Variants in LARGE1 observed in about 807,000 individuals in gnomAD.
LARGE1 encodes the protein xylosyl- and glucuronyltransferase LARGE1.
In LARGE1, 43 loss-of-function variants were observed where a neutral mutation model predicts 87.6. That is an observed-to-expected ratio of 0.49 (90% confidence interval 0.38 to 0.63). LARGE1 has a LOEUF of 0.63. LARGE1 is among the 30% of genes least tolerant of loss of function. LARGE1 has a pLI of 0.00. For synonymous variants in LARGE1, 434 were observed against 394.6 expected, an observed-to-expected ratio of 1.10 and a Z score of -1.18; for missense variants, 802 against 1,000.2, an observed-to-expected ratio of 0.80 and a Z score of 2.67.
intron 6 of LARGE1, among the ~76,000 whole-genome samples, chr22:33,495,391 T>A (rs1053969170): frequency 1.1e-4 from 17 of 152,140 alleles, no homozygotes; most frequent in African/African-American, 4.1e-4. Flanking sequence ...AAAAACAAGT[T>A]TTCCATCCCC....
chr22:33,658,534 C>G (rs187628160), intron 2 of LARGE1, among the ~76,000 whole-genome samples: 13 of 152,250 alleles, frequency 8.5e-5, no homozygotes, highest in South Asian at 2.1e-4. Flanking sequence ...TGAGAACATG[C>G]GATTTTTGGT....
chr22:33,328,457 G>T (rs141706148), intron 10 of LARGE1, among the ~76,000 whole-genome samples: 5,256 of 152,102 alleles, frequency 0.035, 257 homozygotes, highest in African/African-American at 0.12. Context: ...GCAGGTGCCT[G>T]TAATCCCAGC....
chr22:33,357,487 T>C (rs760368251), intron 9 of LARGE1, among the ~76,000 whole-genome samples: 3 of 152,206 alleles, frequency 2.0e-5, no homozygotes, highest in Non-Finnish European at 4.4e-5. Context: ...ACTGCACTTG[T>C]ACCACTTAAA....
intron 6 of LARGE1, among the ~76,000 whole-genome samples, chr22:33,543,122 A>T (rs1443797820): frequency 6.6e-6 from 1 of 152,026 alleles, no homozygotes; most frequent in Non-Finnish European, 1.5e-5. Context: ...TTCCACTTTG[A>T]CACTAATTTA....
At chr22:33,616,367 T>A (rs1041001507) in intron 4 of LARGE1, among the ~76,000 whole-genome samples, 6 of 151,520 alleles carry the variant, frequency 4.0e-5, no homozygotes, top group Admixed American at 1.3e-4. Context: ...ATAAGAAAAT[T>A]TAAAAAATTA....
intron 2 of LARGE1, among the ~76,000 whole-genome samples, chr22:33,675,576 G>A (rs1207640448): frequency 1.3e-5 from 2 of 152,116 alleles, no homozygotes; most frequent in Non-Finnish European, 2.9e-5. Context: ...GGGTGAAACA[G>A]GGTGAACAAG....
At chr22:33,624,339 A>T (rs1372556836) in intron 4 of LARGE1, among the ~76,000 whole-genome samples, 1 of 152,160 alleles carries the variant, frequency 6.6e-6, no homozygotes, top group Non-Finnish European at 1.5e-5. Context: ...TCATTAATAG[A>T]TATATAAAAT....
In LARGE1 at chr22:33,719,223, G is replaced by A. The variant is rs574871196; in HGVS notation, c.106+42148C>T. On this transcript the variant is annotated intron_variant, in intron 2 of 14. Coordinates refer to ENST00000397394, the MANE Select transcript of LARGE1 (RefSeq NM_133642.5). ...GCGTTTGTTAGAAGCTGAGTGTTAC[G>A]ACAAGAGTCAAAAAGCTTAAAAATA... Among the ~76,000 whole-genome samples the A allele has an allele frequency of 1.8e-4, 28 of 152,094 alleles. 2 individuals are homozygous for A. The highest frequency in any genetic ancestry group is 1.2e-3 in the Admixed American group (19 of 15,296).
intron 6 of LARGE1, among the ~76,000 whole-genome samples, chr22:33,450,625 AAAT>A (rs1305978373): frequency 1.5e-5 from 2 of 130,092 alleles, no homozygotes; most frequent in Admixed American, 1.4e-4. Flanking sequence ...ATAAATAAAT[AAAT>A]AAATAAATAA....
intron 6 of LARGE1, among the ~76,000 whole-genome samples, chr22:33,511,110 G>C (rs973946043): frequency 6.6e-6 from 1 of 152,174 alleles, no homozygotes; most frequent in African/African-American, 2.4e-5. Flanking sequence ...AGACCAAACG[G>C]GGGCAGCCAG....
intron 1 of LARGE1, among the ~76,000 whole-genome samples, chr22:33,767,182 C>T (rs1485253242): frequency 3.3e-5 from 5 of 150,506 alleles, no homozygotes; most frequent in African/African-American, 4.9e-5. Context: ...ATCAGCTGGA[C>T]GTGGTGGTGC....
At chr22:33,216,536 G>A (rs112373406) in intron 11 of LARGE1, among the ~76,000 whole-genome samples, 3,240 of 148,800 alleles carry the variant, frequency 0.022, 139 homozygotes, top group African/African-American at 0.078. Context: ...GACTGAGGCA[G>A]AAGAATGGTG....
intron 2 of LARGE1, among the ~76,000 whole-genome samples, chr22:33,675,292 CAAAAAAAAAAAAAAAA>C (rs71320987): frequency 3.0e-5 from 1 of 32,906 alleles, no homozygotes; most frequent in African/African-American, 1.2e-4. Flanking sequence ...GAAACTCCAT[CAAAAAAAAAAAAAAAA>C]AAAAAAAAAA....
chr22:33,656,291 G>C lies in LARGE1; in HGVS notation c.107-5623C>G, dbSNP rs2080958536. Reference sequence around the variant, plus strand: ...GAACAAAGGCACATCTTACATGGTGGCAGGCAAAAAGAGAATGAGAGTGAA... The same window carrying C: ...GAACAAAGGCACATCTTACATGGTGCCAGGCAAAAAGAGAATGAGAGTGAA... On this transcript the variant is annotated intron_variant, in intron 2 of 14. Coordinates refer to ENST00000397394, the MANE Select transcript of LARGE1 (RefSeq NM_133642.5). Among the ~76,000 whole-genome samples the C allele has an allele frequency of 2.6e-5, 4 of 152,152 alleles. No individual in the cohort carries two copies. In the South Asian group the frequency reaches 8.3e-4, roughly 32 times the overall value.
chr22:33,458,368 T>G (rs1268331982), intron 6 of LARGE1, among the ~76,000 whole-genome samples: 3 of 152,072 alleles, frequency 2.0e-5, no homozygotes, highest in African/African-American at 7.3e-5. Flanking sequence ...CCTCCCAAAG[T>G]GCTGGGATTA....
intron 2 of LARGE1, among the ~76,000 whole-genome samples, chr22:33,681,975 A>C (rs1278955960): frequency 6.6e-6 from 1 of 152,108 alleles, no homozygotes; most frequent in East Asian, 1.9e-4. Flanking sequence ...TGCCTAAATG[A>C]TGCACTTCTA....
At chr22:33,477,079 C>T (rs150563655) in intron 6 of LARGE1, among the ~76,000 whole-genome samples, 41 of 152,308 alleles carry the variant, frequency 2.7e-4, no homozygotes, top group Admixed American at 1.2e-3. Context: ...CTCAGAGCTG[C>T]GTGGCGGCTC....
chr22:33,472,892 G>A (rs1374806243), intron 6 of LARGE1, among the ~76,000 whole-genome samples: 2 of 152,178 alleles, frequency 1.3e-5, no homozygotes, highest in Non-Finnish European at 2.9e-5. Context: ...GTCATCAAAC[G>A]ATGCACCTGT....
the LARGE1 span, among the ~76,000 whole-genome samples, chr22:33,089,363 CTTCTTCTCCTT>C: frequency 2.3e-4 from 16 of 69,606 alleles, 1 homozygote; most frequent in Non-Finnish European, 3.9e-4. Context: ...TCTTCTTCTT[CTTCTTCTCCTT>C]CTTCTTCTTC....
Sources: gnomAD v4.1 joint callset for allele counts (sites outside exome capture counted in the v4.1 genomes callset) on GRCh38, gnomAD v4.1.1 for gene constraint, MANE v1.5 for transcripts, NCBI Gene and HGNC (gene_info 2026-07-23, HGNC 2026-07-21) for gene names.